The following COL24A1 variants were observed in gnomAD, a reference collection of about 807,000 sequenced individuals.
COL24A1 encodes collagen type XXIV alpha 1 chain.
In COL24A1, 224 loss-of-function variants were observed where a neutral mutation model predicts 253.9. The observed-to-expected ratio is 0.88, with a 90% CI of 0.79 to 0.99. The LOEUF (loss-of-function observed/expected upper bound fraction) is 0.99. COL24A1 is among the 50% of genes least tolerant of loss of function. The probability of loss-of-function intolerance (pLI) is 0.00; values close to 1 mark genes in which losing one functional copy is unlikely to be tolerated. For synonymous variants in COL24A1, 685 were observed against 673.7 expected (o/e 1.02, Z -0.26); for missense variants, 2,131 against 2,068.5 (o/e 1.03, Z -0.59).
intron 32 of COL24A1, among the ~76,000 whole-genome samples, chr1:85,887,675 T>C (rs750459742): frequency 3.3e-5 from 5 of 152,190 alleles, no homozygotes; most frequent in Non-Finnish European, 7.4e-5. Context: ...TATCCTACTT[T>C]ATGCCTACGT....
chr1:85,824,404 T>C (rs1029768200), intron 43 of COL24A1, among the ~76,000 whole-genome samples: 1 of 152,206 alleles, frequency 6.6e-6, no homozygotes, highest in African/African-American at 2.4e-5. Context: ...TATAGCAGCC[T>C]CAGGAAACTA....
rs368149410 is a variant in COL24A1 at position 86,008,277 on chromosome 1, C to G, written c.2310+8874G>C. On this transcript the variant is annotated intron_variant, in intron 19 of 59. Coordinates refer to ENST00000370571, the MANE Select transcript of COL24A1 (RefSeq NM_152890.7). ...TTCTTTCTTTTTTTTCAGGGTCTTG[C>G]TCTGTGGCCCAGGCTGGAGTGCAGT... Among the ~76,000 whole-genome samples, 3 of 151,860 alleles carry G rather than the reference C, an allele frequency of 2.0e-5. No homozygotes were observed. The East Asian group carries it at 5.8e-4, about 29-fold the overall frequency.
intron 32 of COL24A1, 130 bp downstream of exon 32, chr1:85,889,422 CTATGTGAT>C (rs1380754852): frequency 1.6e-6 from 1 of 616,056 alleles, no homozygotes; most frequent in Non-Finnish European, 2.7e-6. Context: ...ATTTTTCATT[CTATGTGAT>C]TAGTCTATGG....
rs1321757796 is a variant in COL24A1, at chr1:85,948,516, T to C, written c.2562+12733A>G. 6.6e-3 allele frequency among the ~76,000 whole-genome samples: 616 copies of C among 92,680 alleles called. 14 individuals are homozygous for C. The East Asian group carries it at 0.076, about 11-fold the overall frequency. 60.8% of individuals were successfully genotyped at this position (92,680 alleles called of 152,430 possible). A position where few individuals can be genotyped will look rare whatever the true frequency, so the allele number is the denominator to read the frequency against. On this transcript the variant is annotated intron_variant, in intron 24 of 59. Coordinates refer to ENST00000370571, the MANE Select transcript of COL24A1 (RefSeq NM_152890.7). Reference sequence around the variant, plus strand: ...TCCAGCCTGGGCGACAGAGCGAGACTCCGTCTCAAAAAAAAAAAAAAAAAA... The same window carrying C: ...TCCAGCCTGGGCGACAGAGCGAGACCCCGTCTCAAAAAAAAAAAAAAAAAA...
chr1:86,132,402 G>A (rs1649397185), intron 2 of COL24A1, among the ~76,000 whole-genome samples: 2 of 152,078 alleles, frequency 1.3e-5, no homozygotes, highest in Admixed American at 6.6e-5. Context: ...GGCTTTTGTT[G>A]CCATTGCTTT....
At chr1:85,948,348 C>A (rs940819895) in intron 24 of COL24A1, among the ~76,000 whole-genome samples, 1 of 151,162 alleles carries the variant, frequency 6.6e-6, no homozygotes, top group African/African-American at 2.4e-5. Context: ...CACGGTGAAA[C>A]CCCGTCTCTA....
At chr1:86,047,872 G>A (rs761373595) in intron 11 of COL24A1, among the ~76,000 whole-genome samples, 78 of 152,048 alleles carry the variant, frequency 5.1e-4, no homozygotes, top group Non-Finnish European at 2.6e-4. Context: ...AGACTAAGCA[G>A]TCTGTCACAA....
At chr1:85,871,017 T>C (rs1680409148) in intron 35 of COL24A1, among the ~76,000 whole-genome samples, 1 of 152,034 alleles carries the variant, frequency 6.6e-6, no homozygotes, top group Admixed American at 6.6e-5. Flanking sequence ...AAAGGGGTTA[T>C]CACCACCGAT....
chr1:86,007,877 T>C (rs1212507590), intron 19 of COL24A1, among the ~76,000 whole-genome samples: 2 of 152,114 alleles, frequency 1.3e-5, no homozygotes, highest in Non-Finnish European at 2.9e-5. Context: ...TGTATAATAA[T>C]ATAATGGTAG....
intron 14 of COL24A1, among the ~76,000 whole-genome samples, chr1:86,027,383 A>G (rs192291332): frequency 9.2e-5 from 14 of 152,220 alleles, no homozygotes; most frequent in African/African-American, 3.1e-4. Flanking sequence ...GAGAAAAAAA[A>G]GGTTTTTGGG....
chr1:85,732,386 C>A (rs575594354), intron 59 of COL24A1, among the ~76,000 whole-genome samples: 2 of 151,982 alleles, frequency 1.3e-5, no homozygotes, highest in East Asian at 3.9e-4. Flanking sequence ...TCTGCCACCA[C>A]GCCCGGCTAA....
chr1:86,055,294 T>G (rs1036955459), intron 10 of COL24A1, among the ~76,000 whole-genome samples: 3 of 152,172 alleles, frequency 2.0e-5, no homozygotes, highest in Non-Finnish European at 4.4e-5. Flanking sequence ...AAATTTCAAA[T>G]AATTTTTAAA....
At chr1:85,781,859 C>T (rs1669182069) in intron 51 of COL24A1, among the ~76,000 whole-genome samples, 1 of 152,098 alleles carries the variant, frequency 6.6e-6, no homozygotes, top group Non-Finnish European at 1.5e-5. Context: ...TGAAGATAAC[C>T]TTGAATAAGC....
At chr1:85,813,784 C>G (rs1041496665) in intron 47 of COL24A1, among the ~76,000 whole-genome samples, 2 of 151,848 alleles carry the variant, frequency 1.3e-5, no homozygotes, top group African/African-American at 4.8e-5. Flanking sequence ...ATCTCCTGAC[C>G]TCGTGATCCG....
At chr1:86,090,210 A>G (rs1196941816) in intron 6 of COL24A1, among the ~76,000 whole-genome samples, 1 of 152,198 alleles carries the variant, frequency 6.6e-6, no homozygotes, top group Non-Finnish European at 1.5e-5. Flanking sequence ...ACAAGGAAAG[A>G]GGAAACTAGA....
intron 19 of COL24A1, among the ~76,000 whole-genome samples, chr1:86,011,678 A>T (rs557010024): frequency 6.6e-6 from 1 of 152,308 alleles, no homozygotes; most frequent in South Asian, 2.1e-4. Context: ...TTTTAAAAAC[A>T]TTTATAGAAT....
chr1:85,839,674 G>A (rs1400410021), intron 42 of COL24A1, among the ~76,000 whole-genome samples: 1 of 151,654 alleles, frequency 6.6e-6, no homozygotes, highest in Non-Finnish European at 1.5e-5. Context: ...AGGCTGCAGT[G>A]AGCCAGCACT....
Position 86,031,870 on chromosome 1 carries a change from A to G in COL24A1, c.2049+8T>C. ...TTCTTAAGAATGATGATATTTAGTG[A>G]TACTCACTCTAAGCCCAGGAAACCC... is the stretch of plus-strand genomic sequence containing the variant. On this transcript the variant is annotated splice_region_variant and intron_variant, in intron 14 of 59. Coordinates refer to ENST00000370571, the MANE Select transcript of COL24A1 (RefSeq NM_152890.7). 6.3e-7 allele frequency: 1 copy of G among 1,598,532 alleles called. No homozygotes were observed. Among genetic ancestry groups the G allele is most frequent in the Non-Finnish European group, 8.5e-7 (1 of 1,171,978 alleles).
At chr1:86,095,692 T>C (rs190539332) in intron 5 of COL24A1, among the ~76,000 whole-genome samples, 2 of 152,228 alleles carry the variant, frequency 1.3e-5, no homozygotes, top group East Asian at 3.9e-4. Flanking sequence ...ACTTATAAAT[T>C]CATTAATTAA....
Sources: gnomAD v4.1 joint callset for allele counts (sites outside exome capture counted in the v4.1 genomes callset) on GRCh38, gnomAD v4.1.1 for gene constraint, MANE v1.5 for transcripts, NCBI Gene and HGNC (gene_info 2026-07-23, HGNC 2026-07-21) for gene names.